Variants in MAP3K13 observed in about 807,000 individuals in gnomAD.
MAP3K13 encodes the protein leucine zipper-bearing kinase.
A neutral mutation model predicts 104.0 loss-of-function variants in MAP3K13; 52 were observed. That is an observed-to-expected ratio of 0.50 (90% confidence interval 0.40 to 0.63). MAP3K13 has a LOEUF of 0.63. Ranked by LOEUF, MAP3K13 falls within the 20% of genes least tolerant of loss-of-function variation. The probability of loss-of-function intolerance (pLI) is 0.00; values close to 1 mark genes in which losing one functional copy is unlikely to be tolerated. For synonymous variants in MAP3K13, 394 were observed against 442.2 expected, an observed-to-expected ratio of 0.89 and a Z score of 1.37; for missense variants, 914 against 1,218.5, an observed-to-expected ratio of 0.75 and a Z score of 3.72.
rs988988841 is a variant in MAP3K13 at position 185,315,034 on chromosome 3, C to T, written c.-86+29391C>T. Among the ~76,000 whole-genome samples the T allele has an allele frequency of 1.3e-5, 2 of 152,124 alleles. No homozygotes were observed. Among genetic ancestry groups the T allele is most frequent in the Non-Finnish European group, 2.9e-5 (2 of 68,020 alleles). ...TTGGGAGGCTGAGGCAGGCGCATCA[C>T]GAAGTCAGGAGTTTGAGACCAGCCT... On this transcript the variant is annotated intron_variant, in intron 2 of 14. Coordinates refer to the MAP3K13 transcript ENST00000424227. The surrounding 1 kb of genome is among the most constrained non-coding windows in gnomAD (Gnocchi z 4.3).
At position 185,407,509 on chromosome 3, in the gene MAP3K13, A is replaced by G. The variant is rs369555749; in HGVS notation, c.-85-20988A>G. On this transcript the variant is annotated intron_variant, in intron 1 of 13. Transcript: ENST00000265026. ...AGTTTGCCACACCATGCGCAATTAA[A>G]TGGATTTTGTCAAAGACTTCTTAAG... is the stretch of plus-strand genomic sequence containing the variant. Among the ~76,000 whole-genome samples the G allele has an allele frequency of 3.3e-5, 5 of 152,336 alleles. No homozygotes were observed. In the South Asian group the frequency reaches 8.3e-4, roughly 25 times the overall value.
chr3:185,319,389 C>T (rs996287365), intron 2 of MAP3K13, among the ~76,000 whole-genome samples: 3 of 152,186 alleles, frequency 2.0e-5, no homozygotes, highest in African/African-American at 4.8e-5. Context: ...TCTTGTGTCA[C>T]GGCACACATA....
At chr3:185,285,349 G>A (rs1720472551) in intron 1 of MAP3K13, 1 of 309,154 alleles carries the variant, frequency 3.2e-6, no homozygotes, top group African/African-American at 2.1e-5. Flanking sequence ...TAAAAATGCA[G>A]TCTAATTTTG....
upstream of MAP3K13, among the ~76,000 whole-genome samples, chr3:185,361,936 C>T (rs938528889): frequency 1.3e-5 from 2 of 152,196 alleles, no homozygotes; most frequent in African/African-American, 4.8e-5. Context: ...GTAAAATTAT[C>T]CTGAAAAGTT....
chr3:185,319,840 AT>A (rs1394230977), intron 2 of MAP3K13, among the ~76,000 whole-genome samples: 1 of 152,224 alleles, frequency 6.6e-6, no homozygotes, highest in East Asian at 1.9e-4. Flanking sequence ...TAATATCAAA[AT>A]TCTTTGACAA....
At chr3:185,455,967 GTATGAGATATATATATGATATA>G (rs1286714808) in intron 7 of MAP3K13, among the ~76,000 whole-genome samples, 1 of 142,678 alleles carries the variant, frequency 7.0e-6, no homozygotes. Flanking sequence ...TATATGATAT[GTATGAGATATATATATGATATA>G]TATGAGATAT....
intron 2 of MAP3K13, among the ~76,000 whole-genome samples, chr3:185,348,576 C>T (rs1723018946): frequency 6.6e-6 from 1 of 152,198 alleles, no homozygotes; most frequent in Non-Finnish European, 1.5e-5. Context: ...TCTTTCCAAA[C>T]TATACTGACA....
chr3:185,291,058 T>C (rs1159671399), intron 2 of MAP3K13, among the ~76,000 whole-genome samples: 1 of 152,226 alleles, frequency 6.6e-6, no homozygotes, highest in Non-Finnish European at 1.5e-5. Flanking sequence ...ACTATGTTTT[T>C]CATTTGAACC....
At chr3:185,464,757 A>T (rs147272048) in intron 8 of MAP3K13, among the ~76,000 whole-genome samples, 13 of 152,324 alleles carry the variant, frequency 8.5e-5, no homozygotes, top group Non-Finnish European at 1.6e-4. Flanking sequence ...GATAATATAT[A>T]AACAACAGAA....
chr3:185,480,268 A>G lies in MAP3K13; in HGVS notation c.2538A>G (p.Ser846=). The change falls in exon 13 of 14, where the codon TCA becomes TCG. Residue 846 remains serine (S), a synonymous_variant. Coordinates refer to ENST00000265026, the MANE Select transcript of MAP3K13 (RefSeq NM_004721.5). Reference sequence around the variant, plus strand: ...GTATCAGCAGCTGCCAGTCATATTCAACCTTTAGCTCTGAGAATTTCTCTG... The same window carrying G: ...GTATCAGCAGCTGCCAGTCATATTCGACCTTTAGCTCTGAGAATTTCTCTG... ...HRCISSCQSY[S]TFSSENFSVS... 6.2e-7 allele frequency: 1 copy of G among 1,614,158 alleles called. No individual in the cohort carries two copies. The highest frequency in any genetic ancestry group is 8.5e-7 in the Non-Finnish European group (1 of 1,180,032).
At chr3:185,439,716 T>C (rs537596749) in intron 3 of MAP3K13, among the ~76,000 whole-genome samples, 1 of 152,258 alleles carries the variant, frequency 6.6e-6, no homozygotes, top group Admixed American at 6.5e-5. Context: ...GAAGCTTTAT[T>C]TTTACTTCCT....
intron 2 of MAP3K13, among the ~76,000 whole-genome samples, chr3:185,300,335 C>T (rs1265397400): frequency 2.0e-5 from 3 of 151,332 alleles, no homozygotes; most frequent in Non-Finnish European, 3.0e-5. Flanking sequence ...GACAGGCACC[C>T]GCCACCACGC....
At chr3:185,404,623 C>T (rs999626022) in intron 1 of MAP3K13, among the ~76,000 whole-genome samples, 4 of 152,146 alleles carry the variant, frequency 2.6e-5, no homozygotes, top group African/African-American at 9.7e-5. Context: ...GTCACCTAGG[C>T]TGGAGTGTAG....
Position 185,428,608 on chromosome 3 carries a change from C to A in MAP3K13, c.27C>A (p.Ser9Arg). Reference protein sequence around the residue: MANFQEHLSCSSSPHLPFS... With the variant: MANFQEHLRCSSSPHLPFS... The stretch of plus-strand genomic sequence containing the variant: ...TGGCCAACTTTCAGGAGCACCTGAG[C>A]TGCTCCTCTTCTCCACACTTACCCT... The change falls in exon 2 of 14, where the codon AGC becomes AGA. Residue 9 changes from serine to arginine, a missense_variant. Transcript: ENST00000265026. 1.2e-6 allele frequency: 2 copies of A among 1,604,060 alleles called. No homozygotes were observed. Among genetic ancestry groups the A allele is most frequent in the South Asian group, 1.1e-5 (1 of 89,890 alleles).
At chr3:185,426,057 C>T (rs1458060203) in intron 1 of MAP3K13, among the ~76,000 whole-genome samples, 1 of 144,808 alleles carries the variant, frequency 6.9e-6, no homozygotes, top group Non-Finnish European at 1.5e-5. Flanking sequence ...ATATTTTCCT[C>T]TCCCTCTCCC....
chr3:185,330,738 T>C (rs1722234826), intron 2 of MAP3K13, among the ~76,000 whole-genome samples: 1 of 152,150 alleles, frequency 6.6e-6, no homozygotes, highest in African/African-American at 2.4e-5. Flanking sequence ...GAAAACAATG[T>C]TTTTAACCTC....
chr3:185,473,790 G>C lies in MAP3K13; in HGVS notation c.2430+29G>C, dbSNP rs145178506. 1.3e-6 allele frequency: 2 copies of C among 1,583,252 alleles called. No homozygotes were observed. The highest frequency in any genetic ancestry group is 1.7e-6 in the Non-Finnish European group (2 of 1,165,972). On this transcript the variant is annotated intron_variant, in intron 11 of 13. Transcript: ENST00000265026. The surrounding 1 kb of genome is among the most constrained non-coding windows in gnomAD (Gnocchi z 4.9). ...AAGTGTAATGATGAGAGTGGCCTGCGTCACTGCCTTCAAAGAATGCCAGAG... is the reference window on the plus strand; with the variant it reads ...AAGTGTAATGATGAGAGTGGCCTGCCTCACTGCCTTCAAAGAATGCCAGAG...
chr3:185,452,218 C>CTTTTAT (rs1345063097), intron 7 of MAP3K13, among the ~76,000 whole-genome samples: 77 of 152,008 alleles, frequency 5.1e-4, no homozygotes, highest in African/African-American at 1.7e-3. Flanking sequence ...CATCTCAAAA[C>CTTTTAT]TTTTATTTTT....
At chr3:185,355,789 C>G (rs1479981522) in intron 2 of MAP3K13, among the ~76,000 whole-genome samples, 1 of 152,178 alleles carries the variant, frequency 6.6e-6, no homozygotes, top group African/African-American at 2.4e-5. Flanking sequence ...AAGTTATAAT[C>G]TGTCAACCAC....
Sources: gnomAD v4.1 joint callset for allele counts (sites outside exome capture counted in the v4.1 genomes callset) on GRCh38, gnomAD v4.1.1 for gene constraint, Gnocchi (gnomAD v3.1) non-coding constraint, MANE v1.5 for transcripts, NCBI Gene and HGNC (gene_info 2026-07-23, HGNC 2026-07-21) for gene names.